The following RALGPS2 variants were observed in gnomAD, a reference collection of about 807,000 sequenced individuals.
RALGPS2 encodes the protein ras-specific guanine nucleotide-releasing factor RalGPS2.
RALGPS2 carries 43 observed loss-of-function variants against 86.8 expected under a neutral mutation model. The observed-to-expected ratio is 0.50, with a 90% CI of 0.39 to 0.64. RALGPS2 has a LOEUF of 0.64. Among genes scored for constraint, RALGPS2 ranks in the 30% least tolerant of loss-of-function variants. RALGPS2 has a pLI of 0.00. For synonymous variants in RALGPS2, 243 were observed against 231.3 expected (o/e 1.05, Z -0.46); for missense variants, 536 against 694.6 (o/e 0.77, Z 2.57).
At chr1:178,860,898 A>T (rs146754088) in intron 8 of RALGPS2, among the ~76,000 whole-genome samples, 229 of 152,222 alleles carry the variant, frequency 1.5e-3, no homozygotes, top group Middle Eastern at 6.8e-3. Context: ...AGCCTGAGAC[A>T]TTTTTTTCCA....
intron 8 of RALGPS2, among the ~76,000 whole-genome samples, chr1:178,862,593 T>TTTTATTTA (rs57690079): frequency 0.035 from 4,856 of 140,650 alleles, 136 homozygotes; most frequent in South Asian, 0.092. Context: ...GTTGCATTTT[T>TTTTATTTA]TTTATTTATT....
chr1:178,852,852 G>T, intron 8 of RALGPS2: 1 of 1,613,836 alleles, frequency 6.2e-7, no homozygotes, highest in Non-Finnish European at 8.5e-7. Flanking sequence ...TATCACTCCA[G>T]TCTTCTAATT....
Position 178,918,825 on chromosome 1 carries a change from A to G in RALGPS2, c.*2466A>G. On this transcript the variant is annotated 3_prime_UTR_variant, in exon 20 of 20. Coordinates refer to ENST00000367635, the MANE Select transcript of RALGPS2 (RefSeq NM_152663.5). Reference sequence around the variant, plus strand: ...CAAATAATACCTGATAATAATTCAAAGAAAATATGTTACCAAAATATATTA... The same window carrying G: ...CAAATAATACCTGATAATAATTCAAGGAAAATATGTTACCAAAATATATTA... The G allele has an allele frequency of 6.6e-6, 1 of 152,238 alleles. No individual in the cohort carries two copies. The highest frequency in any genetic ancestry group is 1.5e-5 in the Non-Finnish European group (1 of 67,946). The allele number at this position is 152,238 out of a possible 1,614,324, so 9.4% of individuals were successfully genotyped here. A position where few individuals can be genotyped will look rare whatever the true frequency, so the allele number is the denominator to read the frequency against.
At chr1:178,727,770 T>C (rs1057486895) in intron 1 of RALGPS2, among the ~76,000 whole-genome samples, 1 of 152,122 alleles carries the variant, frequency 6.6e-6, no homozygotes, top group Admixed American at 6.5e-5. Context: ...CACATGTGTA[T>C]TGGGTACCTA....
chr1:178,747,933 G>A (rs1217098288), intron 1 of RALGPS2, among the ~76,000 whole-genome samples: 1 of 152,204 alleles, frequency 6.6e-6, no homozygotes, highest in Non-Finnish European at 1.5e-5. Flanking sequence ...CCAAGTGTTC[G>A]CAAAGATGTG....
intron 7 of RALGPS2, among the ~76,000 whole-genome samples, chr1:178,823,644 A>G (rs1572368761): frequency 6.6e-6 from 1 of 152,332 alleles, no homozygotes; most frequent in South Asian, 2.1e-4. Flanking sequence ...CAGAGTGGTT[A>G]GTGTTGACAG....
chr1:178,876,084 A>G (rs1160586220), intron 8 of RALGPS2, among the ~76,000 whole-genome samples: 1 of 152,224 alleles, frequency 6.6e-6, no homozygotes, highest in African/African-American at 2.4e-5. Context: ...GGATGAGTAA[A>G]AAGATTGCCA....
At position 178,893,810 on chromosome 1, in the gene RALGPS2, A is replaced by G. The variant is rs563571809; in HGVS notation, c.1326-109A>G. The G allele has an allele frequency of 1.9e-5, 14 of 721,558 alleles. No individual in the cohort carries two copies. The East Asian group carries it at 3.1e-4, about 16-fold the overall frequency. 44.7% of individuals were successfully genotyped at this position (721,558 alleles called of 1,614,324 possible). ...ATTGTCAGTGTCTTCTCAGCTCTGA[A>G]TAAAGTAACAAACTTTTAAAATTAA... On this transcript the variant is annotated intron_variant, in intron 15 of 19. Transcript: ENST00000367635.
chr1:178,793,180 A>G (rs1170500664), intron 4 of RALGPS2, among the ~76,000 whole-genome samples: 6 of 152,168 alleles, frequency 3.9e-5, no homozygotes, highest in Non-Finnish European at 5.9e-5. Flanking sequence ...TTTTTGTTTC[A>G]GCTTTGCTAT....
At chr1:178,888,216 C>T (rs2102383125) in intron 13 of RALGPS2, among the ~76,000 whole-genome samples, 1 of 152,126 alleles carries the variant, frequency 6.6e-6, no homozygotes, top group Non-Finnish European at 1.5e-5. Context: ...AGTTTGTAAA[C>T]TAAGAACATT....
chr1:178,759,261 AG>A (rs2102061103), intron 1 of RALGPS2, among the ~76,000 whole-genome samples: 1 of 152,234 alleles, frequency 6.6e-6, no homozygotes. Context: ...GGTGAGAGTT[AG>A]GGGTCTAGTT....
At chr1:178,828,249 G>T (rs1655846823) in intron 7 of RALGPS2, among the ~76,000 whole-genome samples, 1 of 152,168 alleles carries the variant, frequency 6.6e-6, no homozygotes, top group African/African-American at 2.4e-5. Flanking sequence ...TAACAATGAG[G>T]ATACTTTCGG....
At chr1:178,894,877 C>T (rs1315527765) in intron 16 of RALGPS2, among the ~76,000 whole-genome samples, 1 of 151,484 alleles carries the variant, frequency 6.6e-6, no homozygotes, top group East Asian at 1.9e-4. Context: ...CTTAGAGAAC[C>T]CTGAAAGTAT....
At position 178,856,202 on chromosome 1, in the gene RALGPS2, G is replaced by GATATATATATATATAT. The variant is rs55797277; in HGVS notation, c.608-21279_608-21264dup. Among the ~76,000 whole-genome samples, 86 of 83,900 alleles carry GATATATATATATATAT rather than the reference G, an allele frequency of 1.0e-3. 5 individuals carry two copies. Among genetic ancestry groups the GATATATATATATATAT allele is most frequent in the African/African-American group, 5.2e-3 (81 of 15,582 alleles). The allele number at this position is 83,900 out of a possible 152,430, so 55.0% of individuals were successfully genotyped here. On this transcript the variant is annotated intron_variant, in intron 8 of 19. Transcript: ENST00000367635. The stretch of plus-strand genomic sequence containing the variant: ...ACCTGTACTTTTCCAGAGAGAGAGA[G>GATATATATATATATAT]ATATATATATATATATATATATATA...
At chr1:178,913,244 C>T (rs1315898374) in intron 19 of RALGPS2, among the ~76,000 whole-genome samples, 3 of 150,650 alleles carry the variant, frequency 2.0e-5, no homozygotes, top group South Asian at 2.1e-4. Context: ...ATCATGCCAC[C>T]GCACTCCAGC....
intron 4 of RALGPS2, among the ~76,000 whole-genome samples, chr1:178,794,205 T>C (rs1236867431): frequency 4.6e-5 from 7 of 152,054 alleles, no homozygotes; most frequent in African/African-American, 7.2e-5. Context: ...CAACCTCTGC[T>C]TCCTGGGTTC....
At chr1:178,742,480 A>G (rs1039602504) in intron 1 of RALGPS2, among the ~76,000 whole-genome samples, 8 of 152,224 alleles carry the variant, frequency 5.3e-5, no homozygotes, top group Admixed American at 2.0e-4. Flanking sequence ...ATAGTATTCA[A>G]GGGAGAAATT....
chr1:178,837,725 G>A (rs1184741955), intron 8 of RALGPS2, among the ~76,000 whole-genome samples: 1 of 140,014 alleles, frequency 7.1e-6, no homozygotes, highest in Non-Finnish European at 1.6e-5. Context: ...GAAGCAGGGC[G>A]AGGCATCACC....
At chr1:178,840,623 C>A (rs1330784202) in intron 8 of RALGPS2, among the ~76,000 whole-genome samples, 1 of 152,076 alleles carries the variant, frequency 6.6e-6, no homozygotes, top group East Asian at 1.9e-4. Context: ...CAAAAGCTAG[C>A]AGAAGGCAAG....
Sources: gnomAD v4.1 joint callset for allele counts (sites outside exome capture counted in the v4.1 genomes callset) on GRCh38, gnomAD v4.1.1 for gene constraint, MANE v1.5 for transcripts, NCBI Gene and HGNC (gene_info 2026-07-23, HGNC 2026-07-21) for gene names.